The following HSD17B3 variants were observed in gnomAD, a reference collection of about 807,000 sequenced individuals.
HSD17B3 encodes the protein hydroxysteroid 17-beta dehydrogenase 3.
HSD17B3 carries 29 observed loss-of-function variants against 41.1 expected under a neutral mutation model. That is an observed-to-expected ratio of 0.71 (90% CI 0.53 to 0.96). HSD17B3 has a LOEUF of 0.96. HSD17B3 is among the 40% of genes least tolerant of loss of function. The probability of loss-of-function intolerance (pLI) is 0.00; values close to 1 mark genes in which losing one functional copy is unlikely to be tolerated. For missense variants in HSD17B3, 323 were observed against 374.6 expected (o/e 0.86, Z 1.14); for synonymous variants, 126 against 145.6 (o/e 0.87, Z 0.97).
intron 2 of HSD17B3, among the ~76,000 whole-genome samples, chr9:96,282,382 A>G (rs1238978056): frequency 6.6e-6 from 1 of 152,242 alleles, no homozygotes; most frequent in African/African-American, 2.4e-5. Flanking sequence ...ATCTTTGAGA[A>G]ATAAAGATAG....
Position 96,253,455 on chromosome 9 carries a change from C to T in HSD17B3, c.278-545G>A, listed in dbSNP as rs984650684. Among the ~76,000 whole-genome samples, 3 of 152,188 alleles carry T rather than the reference C, an allele frequency of 2.0e-5. No individual in the cohort carries two copies. The South Asian group carries it at 6.2e-4, about 31-fold the overall frequency. ...GTCCAATGCTTTAGCATTCACAGAG[C>T]ATTTACATACACAATGTCTTATGGT... On this transcript the variant is annotated intron_variant, in intron 3 of 10. Coordinates refer to ENST00000375263, the MANE Select transcript of HSD17B3 (RefSeq NM_000197.2).
Position 96,300,774 on chromosome 9 carries a change from A to G in HSD17B3, c.154+1177T>C, listed in dbSNP as rs1405851910. Among the ~76,000 whole-genome samples the G allele has an allele frequency of 3.9e-5, 6 of 152,314 alleles. No homozygotes were observed. In the East Asian group the frequency reaches 1.2e-3, roughly 29 times the overall value. On this transcript the variant is annotated intron_variant, in intron 1 of 10. Coordinates refer to ENST00000375263, the MANE Select transcript of HSD17B3 (RefSeq NM_000197.2). ...GTTCTGCATGGGCGTTCCAGTAGAT[A>G]AATCCCATGGGGAGGCAGCATTAAT...
chr9:96,272,799 T>C (rs1826316515), intron 2 of HSD17B3, among the ~76,000 whole-genome samples: 2 of 152,012 alleles, frequency 1.3e-5, no homozygotes, highest in Admixed American at 1.3e-4. Flanking sequence ...AGCCAAAAAC[T>C]GGAAATAGCC....
intron 3 of HSD17B3, among the ~76,000 whole-genome samples, chr9:96,253,611 C>G (rs1173888922): frequency 6.6e-6 from 1 of 152,136 alleles, no homozygotes; most frequent in African/African-American, 2.4e-5. Context: ...TCAATGCGCT[C>G]CCCACTACTC....
chr9:96,272,937 T>C (rs1474419255), intron 2 of HSD17B3, among the ~76,000 whole-genome samples: 2 of 152,090 alleles, frequency 1.3e-5, no homozygotes, highest in Non-Finnish European at 2.9e-5. Flanking sequence ...AAAATTATGC[T>C]AGGTGGGGGA....
intron 2 of HSD17B3, among the ~76,000 whole-genome samples, chr9:96,288,592 G>A (rs1827019251): frequency 1.3e-5 from 2 of 151,784 alleles, no homozygotes; most frequent in African/African-American, 2.4e-5. Context: ...ACCAACCCAG[G>A]CAACACAGCA....
chr9:96,251,598 G>GT, intron 4 of HSD17B3, 113 bp from the exon 5 acceptor site: 1 of 947,406 alleles, frequency 1.1e-6, no homozygotes, highest in South Asian at 1.4e-5. Context: ...GCATGATTTG[G>GT]TAACGGTGAG....
chr9:96,282,917 G>A (rs1020181122), intron 2 of HSD17B3, among the ~76,000 whole-genome samples: 2 of 151,228 alleles, frequency 1.3e-5, no homozygotes, highest in Non-Finnish European at 2.9e-5. Context: ...AAACATATTG[G>A]CTAAAATAAG....
rs539596011 is a variant in HSD17B3, at chr9:96,235,456, C to G, written c.*4G>C. 18 of 1,609,184 alleles carry G rather than the reference C, an allele frequency of 1.1e-5. No homozygotes were observed. The highest frequency in any genetic ancestry group is 1.4e-5 in the Non-Finnish European group (17 of 1,176,206). On this transcript the variant is annotated 3_prime_UTR_variant, in exon 11 of 11. Coordinates refer to ENST00000375263, the MANE Select transcript of HSD17B3 (RefSeq NM_000197.2). Reference sequence around the variant, plus strand: ...AAGGTTGTGCTGGACTCCTCACCGCCTGGCTACCTGACCTTGGTGTTGAGC... The same window carrying G: ...AAGGTTGTGCTGGACTCCTCACCGCGTGGCTACCTGACCTTGGTGTTGAGC...
Position 96,298,424 on chromosome 9 carries a change from A to C in HSD17B3, c.193T>G (p.Ser65Ala), listed in dbSNP as rs562239313. The change falls in exon 2 of 11, where the codon TCG (serine) becomes GCG (alanine). Residue 65 changes from serine (S) to alanine (A), a missense_variant. Transcript: ENST00000375263. ...GAGDGIGKAYSFELAKRGLNV... is the reference protein window; with the variant it reads ...GAGDGIGKAYAFELAKRGLNV... The stretch of plus-strand genomic sequence containing the variant: ...CCAGGAAGATAGCTTACCTCGAACG[A>C]GTACGCTTTCCCAATTCCATCGCCT... The C allele has an allele frequency of 7.4e-6, 12 of 1,613,608 alleles. No homozygotes were observed. The South Asian group carries it at 1.3e-4, about 18-fold the overall frequency.
intron 4 of HSD17B3, 103 bp from the exon 5 acceptor site, chr9:96,251,588 G>T: frequency 9.5e-7 from 1 of 1,055,164 alleles, no homozygotes; most frequent in Non-Finnish European, 1.4e-6. Context: ...GTTCATCGCA[G>T]CATGATTTGG....
intron 2 of HSD17B3, among the ~76,000 whole-genome samples, chr9:96,269,256 T>A (rs780239994): frequency 2.0e-5 from 3 of 152,182 alleles, no homozygotes; most frequent in Non-Finnish European, 4.4e-5. Flanking sequence ...TATTAGAAAC[T>A]TACAGGACCA....
At chr9:96,245,235 G>T in intron 8 of HSD17B3, 110 bp downstream of exon 8, 2 of 856,518 alleles carry the variant, frequency 2.3e-6, no homozygotes, top group Non-Finnish European at 4.1e-6. Context: ...ACATAAGAGA[G>T]CATCTCCAGG....
chr9:96,240,455 G>C (rs142027379), intron 10 of HSD17B3, among the ~76,000 whole-genome samples: 1 of 152,198 alleles, frequency 6.6e-6, no homozygotes, highest in South Asian at 2.1e-4. Context: ...AGAGAAGACA[G>C]CAGCCCCCAC....
At chr9:96,268,089 T>C (rs1826107783) in intron 2 of HSD17B3, among the ~76,000 whole-genome samples, 1 of 152,162 alleles carries the variant, frequency 6.6e-6, no homozygotes, top group South Asian at 2.1e-4. Context: ...CACGCCCAGC[T>C]AATTTTTGTA....
intron 10 of HSD17B3, among the ~76,000 whole-genome samples, chr9:96,238,659 C>CA (rs997603135): frequency 2.0e-4 from 30 of 147,728 alleles, no homozygotes; most frequent in Admixed American, 4.7e-4. Context: ...GACTCCATCT[C>CA]AAAAAAAAAA....
At chr9:96,273,075 G>A (rs1426597547) in intron 2 of HSD17B3, among the ~76,000 whole-genome samples, 1 of 152,154 alleles carries the variant, frequency 6.6e-6, no homozygotes, top group Non-Finnish European at 1.5e-5. Flanking sequence ...AAGTGGGTGT[G>A]GCTATAAAAT....
intron 2 of HSD17B3, among the ~76,000 whole-genome samples, chr9:96,271,091 T>C (rs1826229791): frequency 6.6e-6 from 1 of 151,874 alleles, no homozygotes; most frequent in Admixed American, 6.6e-5. Context: ...AAATGTATGC[T>C]CAAAGAGGCA....
intron 5 of HSD17B3, chr9:96,251,115 A>C (rs911606642): frequency 4.8e-6 from 2 of 415,416 alleles, no homozygotes; most frequent in African/African-American, 3.9e-5. Flanking sequence ...CGAATGTGTT[A>C]GGCAGAATTA....
Sources: allele counts gnomAD v4.1 joint callset (sites outside exome capture counted in the v4.1 genomes callset), GRCh38; gene constraint gnomAD v4.1.1; transcripts MANE v1.5; gene names NCBI Gene and HGNC (gene_info 2026-07-23, HGNC 2026-07-21).